Variants in YAP1 observed in about 807,000 individuals in gnomAD.
YAP1 encodes the protein Yes1 associated transcriptional regulator, also known as transcriptional coactivator YAP1.
In YAP1, 5 loss-of-function variants were observed where a neutral mutation model predicts 56.9. That is an observed-to-expected ratio of 0.09 (90% CI 0.05 to 0.18). The LOEUF (loss-of-function observed/expected upper bound fraction) is 0.18, where lower values mean the gene tolerates loss of function less well. YAP1 is among the 10% of genes least tolerant of loss of function. The pLI is 1.00. For missense variants in YAP1, 539 were observed against 651.8 expected (o/e 0.83, Z 1.88); for synonymous variants, 265 against 248.1 (o/e 1.07, Z -0.64).
At chr11:102,176,799 A>G (rs1949994705) in intron 3 of YAP1, among the ~76,000 whole-genome samples, 2 of 147,682 alleles carry the variant, frequency 1.4e-5, no homozygotes, top group African/African-American at 5.0e-5. Context: ...AGTGGGTTGA[A>G]AACAATGGAG....
chr11:102,229,447 C>T (rs1198104566), intron 8 of YAP1, among the ~76,000 whole-genome samples: 1 of 152,008 alleles, frequency 6.6e-6, no homozygotes, highest in Non-Finnish European at 1.5e-5. Flanking sequence ...TTATTTTTTT[C>T]ATGACTCCTT....
chr11:102,161,053 C>CTTTTTTTTTTT (rs67023819), intron 2 of YAP1, among the ~76,000 whole-genome samples: 1 of 75,492 alleles, frequency 1.3e-5, no homozygotes. Flanking sequence ...TAATTTCTTT[C>CTTTTTTTTTTT]TTTTTTTTTT....
intron 4 of YAP1, among the ~76,000 whole-genome samples, chr11:102,194,504 C>G (rs774570151): frequency 2.6e-5 from 4 of 152,124 alleles, no homozygotes; most frequent in African/African-American, 7.2e-5. Flanking sequence ...ATTTATGCAA[C>G]AAAAGTTTGG....
At position 102,192,500 on chromosome 11, in the gene YAP1, A is replaced by C. The variant is rs11826862; in HGVS notation, c.802+6369A>C. Among the ~76,000 whole-genome samples, 774 of 152,322 alleles carry C rather than the reference A, an allele frequency of 5.1e-3. 6 individuals are homozygous for C. The highest frequency in any genetic ancestry group is 0.018 in the African/African-American group (740 of 41,570). ...TAGTTACAACAATGTACTTGATTCAACTGAATTAAATTGGGATGTAGAAAA... is the reference window on the plus strand; with the variant it reads ...TAGTTACAACAATGTACTTGATTCACCTGAATTAAATTGGGATGTAGAAAA... On this transcript the variant is annotated intron_variant, in intron 4 of 8. Transcript: ENST00000282441.
At chr11:102,206,922 G>T (rs1026129098) in intron 5 of YAP1, among the ~76,000 whole-genome samples, 6 of 146,654 alleles carry the variant, frequency 4.1e-5, no homozygotes, top group African/African-American at 1.5e-4. Flanking sequence ...TTTTATTTTG[G>T]GGAAAGTAGG....
At chr11:102,200,000 A>G (rs1392922225) in intron 4 of YAP1, among the ~76,000 whole-genome samples, 1 of 152,214 alleles carries the variant, frequency 6.6e-6, no homozygotes, top group African/African-American at 2.4e-5. Flanking sequence ...GTTTCAAAAA[A>G]CATGTCTTGC....
chr11:102,112,414 T>C (rs1198567908), intron 1 of YAP1: 1 of 981,266 alleles, frequency 1.0e-6, no homozygotes, highest in South Asian at 4.7e-5. Context: ...CTTTCTTTTT[T>C]ATTTCTTCTT....
intron 2 of YAP1, among the ~76,000 whole-genome samples, chr11:102,160,792 A>G (rs1946225321): frequency 6.6e-6 from 1 of 152,170 alleles, no homozygotes; most frequent in Non-Finnish European, 1.5e-5. Context: ...CAGTGGAAGC[A>G]ATGCTTGTAT....
At chr11:102,207,882 C>T (rs1473354574) in intron 5 of YAP1, among the ~76,000 whole-genome samples, 1 of 152,150 alleles carries the variant, frequency 6.6e-6, no homozygotes, top group Non-Finnish European at 1.5e-5. Flanking sequence ...GAAAATGATA[C>T]TCCAAAATAT....
At position 102,199,164 on chromosome 11, in the gene YAP1, G is replaced by C. The variant is rs140054628; in HGVS notation, c.803-6729G>C. ...GGTTTATGGAGCACCCACTATTCCA[G>C]GTGTGTGAGAGAATAATCAGTCCTC... On this transcript the variant is annotated intron_variant, in intron 4 of 8. Coordinates refer to ENST00000282441, the MANE Select transcript of YAP1 (RefSeq NM_001130145.3). 5.3e-5 allele frequency among the ~76,000 whole-genome samples: 8 copies of C among 152,260 alleles called. No individual in the cohort carries two copies. The East Asian group carries it at 1.5e-3, about 29-fold the overall frequency.
At chr11:102,116,214 C>T (rs1396702764) in intron 2 of YAP1, among the ~76,000 whole-genome samples, 2 of 152,088 alleles carry the variant, frequency 1.3e-5, no homozygotes, top group Non-Finnish European at 1.5e-5. Context: ...AAACTTTTTT[C>T]CTTGTCATTA....
At chr11:102,229,085 A>T (rs1051476003) in intron 8 of YAP1, among the ~76,000 whole-genome samples, 5 of 152,168 alleles carry the variant, frequency 3.3e-5, no homozygotes, top group African/African-American at 4.8e-5. Flanking sequence ...AGTATGTTCT[A>T]TTGAAGCTCT....
At chr11:102,168,792 C>T (rs561036740) in intron 3 of YAP1, among the ~76,000 whole-genome samples, 2 of 152,168 alleles carry the variant, frequency 1.3e-5, no homozygotes, top group African/African-American at 4.8e-5. Flanking sequence ...CACTGAAGAT[C>T]AAATGAGAGA....
intron 3 of YAP1, among the ~76,000 whole-genome samples, chr11:102,184,077 A>C (rs1175974204): frequency 1.0e-5 from 1 of 98,100 alleles, no homozygotes; most frequent in Non-Finnish European, 2.1e-5. Context: ...ACTCCGTCTC[A>C]AAAAAAAAAA....
intron 6 of YAP1, among the ~76,000 whole-genome samples, chr11:102,212,561 C>CTTTTTATTTTTA (rs57754436): frequency 5.4e-5 from 8 of 149,178 alleles, no homozygotes; most frequent in Admixed American, 2.7e-4. Context: ...CAGAGCTTAA[C>CTTTTTATTTTTA]TTTTTATTTT....
chr11:102,170,129 T>C (rs925637951), intron 3 of YAP1, among the ~76,000 whole-genome samples: 1 of 152,212 alleles, frequency 6.6e-6, no homozygotes, highest in African/African-American at 2.4e-5. Flanking sequence ...GCCACTCGTG[T>C]CAGGGCAACT....
intron 2 of YAP1, among the ~76,000 whole-genome samples, chr11:102,140,133 A>G (rs1944927041): frequency 6.6e-6 from 1 of 151,990 alleles, no homozygotes; most frequent in Non-Finnish European, 1.5e-5. Context: ...TTTTCTGTAT[A>G]TATAGTCTGA....
At chr11:102,197,291 T>G (rs546136653) in intron 4 of YAP1, among the ~76,000 whole-genome samples, 1 of 152,332 alleles carries the variant, frequency 6.6e-6, no homozygotes, top group Admixed American at 6.5e-5. Flanking sequence ...TGTGGGAGAT[T>G]TGATGTAATG....
chr11:102,160,018 A>T (rs1294464449), intron 2 of YAP1, among the ~76,000 whole-genome samples: 4 of 108,976 alleles, frequency 3.7e-5, no homozygotes, highest in Admixed American at 1.1e-4. Context: ...TACATAAAGG[A>T]TTTTTTTTTT....
Sources: gnomAD v4.1 joint callset for allele counts (sites outside exome capture counted in the v4.1 genomes callset) on GRCh38, gnomAD v4.1.1 for gene constraint, MANE v1.5 for transcripts, NCBI Gene and HGNC (gene_info 2026-07-23, HGNC 2026-07-21) for gene names.